The following KATNBL1 variants were observed in gnomAD, a reference collection of about 807,000 sequenced individuals.
The protein encoded by KATNBL1 is katanin regulatory subunit B1 like 1.
KATNBL1 carries 28 observed loss-of-function variants against 44.7 expected under a neutral mutation model. That is an observed-to-expected ratio of 0.63 (90% CI 0.46 to 0.86). The LOEUF (loss-of-function observed/expected upper bound fraction) is 0.86, where lower values mean the gene tolerates loss of function less well. KATNBL1 is among the 40% of genes least tolerant of loss of function. The pLI is 0.00. For synonymous variants in KATNBL1, 78 were observed against 114.9 expected (o/e 0.68, Z 2.06); for missense variants, 272 against 350.7 (o/e 0.78, Z 1.79).
At chr15:34,199,884 G>C (rs952904540) in intron 1 of KATNBL1, 1 of 152,152 alleles carries the variant, frequency 6.6e-6, no homozygotes, top group African/African-American at 2.4e-5. Context: ...AAGATGACCC[G>C]AGCCGGTTGC....
At chr15:34,180,726 G>T (rs757916074) in intron 1 of KATNBL1, among the ~76,000 whole-genome samples, 1 of 152,020 alleles carries the variant, frequency 6.6e-6, no homozygotes, top group Non-Finnish European at 1.5e-5. Flanking sequence ...GAGTTATTTT[G>T]ACTCCTTTCT....
At chr15:34,204,371 TTTAA>T (rs1340457202) in intron 1 of KATNBL1, among the ~76,000 whole-genome samples, 1 of 152,202 alleles carries the variant, frequency 6.6e-6, no homozygotes, top group Non-Finnish European at 1.5e-5. Context: ...GATATACATA[TTTAA>T]TTCTTTTCTT....
chr15:34,163,162 G>A (rs927135952), intron 2 of KATNBL1, among the ~76,000 whole-genome samples: 1 of 151,162 alleles, frequency 6.6e-6, no homozygotes, highest in Non-Finnish European at 1.5e-5. Flanking sequence ...TCCTCCCTCA[G>A]CCTCCCAAGT....
intron 1 of KATNBL1, among the ~76,000 whole-genome samples, chr15:34,195,400 T>A (rs562901820): frequency 4.6e-5 from 7 of 151,906 alleles, no homozygotes; most frequent in African/African-American, 1.4e-4. Context: ...ATGAAAGCAG[T>A]GTGGAATAAT....
chr15:34,178,013 C>A (rs1044967749), intron 1 of KATNBL1: 17 of 152,068 alleles, frequency 1.1e-4, no homozygotes, highest in Non-Finnish European at 1.8e-4. Context: ...TAATACAATA[C>A]ATAAATAAGA....
intron 1 of KATNBL1, among the ~76,000 whole-genome samples, chr15:34,172,759 AG>A (rs1889206777): frequency 1.5e-5 from 1 of 68,140 alleles, no homozygotes; most frequent in Non-Finnish European, 2.9e-5. Context: ...ACACAGACAC[AG>A]ACACACACAC....
Position 34,205,793 on chromosome 15 carries a change from A to G in KATNBL1, c.-15+4158T>C, listed in dbSNP as rs111463092. On this transcript the variant is annotated intron_variant, in intron 1 of 9. Coordinates refer to ENST00000256544, the MANE Select transcript of KATNBL1 (RefSeq NM_024713.3). ...CATGTTACAGACTAATTACTATTCT[A>G]CGCACTAGGGAAACATCAGTGGACC... Among the ~76,000 whole-genome samples the G allele has an allele frequency of 5.3e-3, 804 of 152,316 alleles. 8 individuals are homozygous for G. The highest frequency in any genetic ancestry group is 0.017 in the Middle Eastern group (5 of 294).
rs921122562 is a variant in KATNBL1 at position 34,157,629 on chromosome 15, C to A, written c.118-2945G>T. 3.3e-5 allele frequency among the ~76,000 whole-genome samples: 5 copies of A among 152,340 alleles called. No homozygotes were observed. The South Asian group carries it at 1.0e-3, about 32-fold the overall frequency. On this transcript the variant is annotated intron_variant, in intron 2 of 9. Coordinates refer to ENST00000256544, the MANE Select transcript of KATNBL1 (RefSeq NM_024713.3). ...AAATAGAGCAACTTACACAACATTT[C>A]ATAAGGGGATAAGCCAACATCTCTC... is the stretch of plus-strand genomic sequence containing the variant.
chr15:34,197,113 C>T (rs1344839411), intron 1 of KATNBL1, among the ~76,000 whole-genome samples: 1 of 152,228 alleles, frequency 6.6e-6, no homozygotes, highest in Non-Finnish European at 1.5e-5. Flanking sequence ...AGAACAACCA[C>T]TATTTGCATC....
intron 2 of KATNBL1, among the ~76,000 whole-genome samples, chr15:34,162,231 T>G (rs1435436270): frequency 2.0e-5 from 3 of 152,198 alleles, no homozygotes; most frequent in Non-Finnish European, 2.9e-5. Context: ...TGGGAGGGAC[T>G]CAGTGGGAGA....
chr15:34,163,670 A>T lies in KATNBL1; in HGVS notation c.7T>A (p.Ser3Thr). 3.8e-6 allele frequency: 6 copies of T among 1,573,436 alleles called. No individual in the cohort carries two copies. The highest frequency in any genetic ancestry group is 5.2e-6 in the Non-Finnish European group (6 of 1,160,494). The change falls in exon 2 of 10, where the codon TCA (serine) becomes ACA (threonine). Residue 3 changes from serine (S) to threonine (T), a missense_variant. Transcript: ENST00000256544. ...CGTTTTTTAACATTGTGGGTTTCTG[A>T]TGCCATAATCTCTTAAGTACCTAGA... MA[S>T]ETHNVKKRNF...
intron 3 of KATNBL1, 56 bp from the exon 4 acceptor site, chr15:34,153,125 A>C (rs1888534967): frequency 1.5e-6 from 2 of 1,332,364 alleles, no homozygotes; most frequent in African/African-American, 2.9e-5. Flanking sequence ...ATCCTTTAAA[A>C]GTTTTTAAAC....
At chr15:34,153,245 A>G (rs1055737797) in intron 3 of KATNBL1, among the ~76,000 whole-genome samples, 176 bp from the exon 4 acceptor site, 1 of 152,258 alleles carries the variant, frequency 6.6e-6, no homozygotes, top group Admixed American at 6.5e-5. Context: ...GGGAAATTAC[A>G]AATTATCTGG....
intron 1 of KATNBL1, among the ~76,000 whole-genome samples, chr15:34,164,757 C>G (rs1028149375): frequency 2.6e-5 from 4 of 152,166 alleles, no homozygotes; most frequent in African/African-American, 9.7e-5. Context: ...TAAGCCAGGC[C>G]CTGGCGTTAA....
chr15:34,152,232 G>A (rs145913024), intron 4 of KATNBL1, among the ~76,000 whole-genome samples: 3 of 151,084 alleles, frequency 2.0e-5, no homozygotes, highest in African/African-American at 2.4e-5. Context: ...AGACGGAGTC[G>A]CTCTGTTGCC....
intron 1 of KATNBL1, among the ~76,000 whole-genome samples, chr15:34,203,689 T>C (rs1240765342): frequency 6.6e-6 from 1 of 152,216 alleles, no homozygotes; most frequent in East Asian, 1.9e-4. Flanking sequence ...TATTCTGGTA[T>C]CTATTTTTTC....
At chr15:34,164,246 TG>T (rs1464328616) in intron 1 of KATNBL1, among the ~76,000 whole-genome samples, 1 of 152,222 alleles carries the variant, frequency 6.6e-6, no homozygotes, top group East Asian at 1.9e-4. Flanking sequence ...TGTATTTTTT[TG>T]TGCCAAAGCA....
chr15:34,194,346 T>C (rs1221458548), intron 1 of KATNBL1, among the ~76,000 whole-genome samples: 2 of 152,040 alleles, frequency 1.3e-5, no homozygotes, highest in African/African-American at 2.4e-5. Flanking sequence ...CAGTGGGTCA[T>C]ACCTGTAATT....
At chr15:34,182,301 T>C (rs914902892) in intron 1 of KATNBL1, among the ~76,000 whole-genome samples, 30 of 152,214 alleles carry the variant, frequency 2.0e-4, no homozygotes, top group Admixed American at 1.6e-3. Context: ...AATGAGAATA[T>C]TGTGAAAATC....
Sources: gnomAD v4.1 joint callset for allele counts (sites outside exome capture counted in the v4.1 genomes callset) on GRCh38, gnomAD v4.1.1 for gene constraint, MANE v1.5 for transcripts, NCBI Gene and HGNC (gene_info 2026-07-23, HGNC 2026-07-21) for gene names.